The following CAPZB variants were observed in gnomAD, a reference collection of about 807,000 sequenced individuals.
CAPZB encodes F-actin-capping protein subunit beta.
Under a neutral mutation model 38.1 loss-of-function variants are expected in CAPZB, and 2 were observed. That is an observed-to-expected ratio of 0.05 (90% CI 0.02 to 0.17). The LOEUF (loss-of-function observed/expected upper bound fraction) is 0.17. CAPZB is among the 10% of genes least tolerant of loss of function. The pLI, the probability that CAPZB is intolerant of heterozygous loss-of-function variation, is 1.00. For missense variants in CAPZB, 161 were observed against 334.2 expected, an observed-to-expected ratio of 0.48 and a Z score of 4.04; for synonymous variants, 107 against 127.4, an observed-to-expected ratio of 0.84 and a Z score of 1.08.
intron 1 of CAPZB, among the ~76,000 whole-genome samples, chr1:19,438,762 C>CT (rs2094466338): frequency 6.6e-6 from 1 of 152,242 alleles, no homozygotes; most frequent in African/African-American, 2.4e-5. Context: ...TCTCAGCTCT[C>CT]TAACACAGGG....
At chr1:19,455,129 G>C (rs1233793718) in intron 1 of CAPZB, among the ~76,000 whole-genome samples, 2 of 152,238 alleles carry the variant, frequency 1.3e-5, no homozygotes, top group East Asian at 3.9e-4. Context: ...ACACCCCCAG[G>C]AGTGGCAGAC....
intron 1 of CAPZB, among the ~76,000 whole-genome samples, chr1:19,472,615 G>C (rs1031415211): frequency 1.3e-5 from 2 of 151,786 alleles, no homozygotes; most frequent in African/African-American, 2.4e-5. Flanking sequence ...ACTCAAAGGT[G>C]ATTCCAGACC....
Position 19,432,057 on chromosome 1 carries a change from A to AG in CAPZB, c.4-12308_4-12307insC, listed in dbSNP as rs61409482. 5.4e-5 allele frequency among the ~76,000 whole-genome samples: 5 copies of AG among 92,648 alleles called. No homozygotes were observed. The South Asian group carries it at 1.3e-3, about 24-fold the overall frequency. 60.8% of individuals were successfully genotyped at this position (92,648 alleles called of 152,430 possible). Reference sequence around the variant, plus strand: ...GATCCTGTCTCAAAAAAAAAAAAAAAAAAAAAAAGAAAAAAAAAGAAAATA... The same window carrying AG: ...GATCCTGTCTCAAAAAAAAAAAAAAAGAAAAAAAAGAAAAAAAAAGAAAATA... On this transcript the variant is annotated intron_variant, in intron 1 of 8. Coordinates refer to ENST00000264202, the MANE Select transcript of CAPZB (RefSeq NM_004930.5).
chr1:19,344,530 C>CCA, intron 7 of CAPZB, 96 bp from the exon 8 acceptor site: 1 of 959,206 alleles, frequency 1.0e-6, no homozygotes, highest in Non-Finnish European at 1.7e-6. Flanking sequence ...CCCAGTGTGG[C>CCA]CACTGGAGGG....
intron 4 of CAPZB, among the ~76,000 whole-genome samples, chr1:19,376,110 A>C (rs1049802434): frequency 2.0e-5 from 3 of 152,244 alleles, no homozygotes; most frequent in African/African-American, 7.2e-5. Context: ...AGGGAGTAAC[A>C]ACATGAACAC....
At chr1:19,432,811 T>A (rs1301968508) in intron 1 of CAPZB, among the ~76,000 whole-genome samples, 1 of 152,190 alleles carries the variant, frequency 6.6e-6, no homozygotes, top group East Asian at 1.9e-4. Context: ...ACACTCCCAA[T>A]GAAATAAAAT....
intron 1 of CAPZB, among the ~76,000 whole-genome samples, chr1:19,446,809 C>T (rs759347823): frequency 4.6e-5 from 7 of 152,202 alleles, no homozygotes; most frequent in East Asian, 1.9e-4. Context: ...TATATAAAAA[C>T]GTTAACAGTG....
rs1569981680 is a variant in CAPZB at position 19,366,388 on chromosome 1, T to G, written c.330-8825A>C. ...TGACAAAGACAAGGTCATACAGGCA[T>G]GAGTTCAAACAAACTCCTGGCCGGG... On this transcript the variant is annotated intron_variant, in intron 4 of 8. Transcript: ENST00000264202. Among the ~76,000 whole-genome samples, 4 of 150,802 alleles carry G rather than the reference T, an allele frequency of 2.7e-5. 1 individual carries two copies. The highest frequency in any genetic ancestry group is 2.6e-4 in the Admixed American group (4 of 15,126).
intron 1 of CAPZB, among the ~76,000 whole-genome samples, chr1:19,434,951 T>TGC (rs2094453427): frequency 7.1e-6 from 1 of 141,212 alleles, no homozygotes; most frequent in Non-Finnish European, 1.6e-5. Flanking sequence ...AGGGGCCTGA[T>TGC]AATCAAGTCA....
intron 4 of CAPZB, among the ~76,000 whole-genome samples, chr1:19,360,720 C>T (rs1263154125): frequency 2.6e-5 from 4 of 152,200 alleles, no homozygotes; most frequent in Non-Finnish European, 5.9e-5. Flanking sequence ...TGGAACTGGC[C>T]GTTTCCACTC....
At position 19,474,649 on chromosome 1, in the gene CAPZB, G is replaced by A. The variant is rs192846905; in HGVS notation, c.3+10787C>T. 4.6e-5 allele frequency among the ~76,000 whole-genome samples: 7 copies of A among 152,250 alleles called. No individual in the cohort carries two copies. In the East Asian group the frequency reaches 5.8e-4, roughly 13 times the overall value. On this transcript the variant is annotated intron_variant, in intron 1 of 8. Transcript: ENST00000264202. ...TACGGGGCAGTTTACCAATGCAAAC[G>A]GGTTAGTAGAAGCTGAGAGTGCCTA...
rs144079136 is a variant in CAPZB, at chr1:19,467,507, C to T, written c.3+17929G>A. ...AAGTCACCGCTCTTCTCACCCCAAA[C>T]GTGCTAAGGTCCAAAGGTCCAAACA... On this transcript the variant is annotated intron_variant, in intron 1 of 8. Transcript: ENST00000264202. Among the ~76,000 whole-genome samples, 10 of 152,270 alleles carry T rather than the reference C, an allele frequency of 6.6e-5. No homozygotes were observed. In the East Asian group the frequency reaches 1.9e-3, roughly 29 times the overall value.
intron 6 of CAPZB, among the ~76,000 whole-genome samples, chr1:19,348,786 A>G (rs1558173170): frequency 6.6e-6 from 1 of 151,498 alleles, no homozygotes; most frequent in Non-Finnish European, 1.5e-5. Flanking sequence ...AGGTGAGGGC[A>G]ACAGTCCAGA....
At chr1:19,468,941 A>T (rs1167987912) in intron 1 of CAPZB, among the ~76,000 whole-genome samples, 2 of 152,182 alleles carry the variant, frequency 1.3e-5, no homozygotes, top group Non-Finnish European at 2.9e-5. Context: ...GGCTGCACTC[A>T]GACACAGCCC....
At chr1:19,349,499 G>A (rs2093980300) in intron 6 of CAPZB, among the ~76,000 whole-genome samples, 2 of 152,162 alleles carry the variant, frequency 1.3e-5, no homozygotes, top group African/African-American at 2.4e-5. Flanking sequence ...GAGAGGCCGC[G>A]GCCATCGGCA....
rs1222202178 is a variant in CAPZB at position 19,356,021 on chromosome 1, G to A, written c.588+614C>T. On this transcript the variant is annotated intron_variant, in intron 6 of 8. Coordinates refer to ENST00000264202, the MANE Select transcript of CAPZB (RefSeq NM_004930.5). This position sits in a 1 kb window ranked among gnomAD's most constrained non-coding sequence, Gnocchi z 4.3. Reference sequence around the variant, plus strand: ...AACCTGGGAACAACATCGTGGAGAAGGGTTGCTAGTGATACCCAAACAAAA... The same window carrying A: ...AACCTGGGAACAACATCGTGGAGAAAGGTTGCTAGTGATACCCAAACAAAA... Among the ~76,000 whole-genome samples the A allele has an allele frequency of 2.0e-5, 3 of 152,186 alleles. No homozygotes were observed. Among genetic ancestry groups the A allele is most frequent in the African/African-American group, 7.2e-5 (3 of 41,436 alleles).
Position 19,484,312 on chromosome 1 carries a change from G to A in CAPZB, c.3+1124C>T, listed in dbSNP as rs1410573716. 3.1e-6 allele frequency: 5 copies of A among 1,598,116 alleles called. No homozygotes were observed. In the East Asian group the frequency reaches 6.8e-5, roughly 22 times the overall value. ...AGGCCATATGCTGGATCCAGGGCCTGGTGGCCCCCCAAGGCCACGGCCTCA... is the reference window on the plus strand; with the variant it reads ...AGGCCATATGCTGGATCCAGGGCCTAGTGGCCCCCCAAGGCCACGGCCTCA... On this transcript the variant is annotated intron_variant, in intron 1 of 8. Transcript: ENST00000264202.
intron 1 of CAPZB, among the ~76,000 whole-genome samples, chr1:19,474,509 C>T (rs1224546695): frequency 1.3e-5 from 2 of 152,172 alleles, no homozygotes; most frequent in Admixed American, 6.5e-5. Flanking sequence ...TTTCTTCCTG[C>T]ATTCCTTTAT....
At chr1:19,398,496 T>C (rs896485477) in intron 2 of CAPZB, among the ~76,000 whole-genome samples, 1 of 151,466 alleles carries the variant, frequency 6.6e-6, no homozygotes, top group Non-Finnish European at 1.5e-5. Context: ...CAAGTGGGAG[T>C]GTTTGTGCCA....
Sources: gnomAD v4.1 joint callset for allele counts (sites outside exome capture counted in the v4.1 genomes callset) on GRCh38, gnomAD v4.1.1 for gene constraint, Gnocchi (gnomAD v3.1) non-coding constraint, MANE v1.5 for transcripts, NCBI Gene and HGNC (gene_info 2026-07-23, HGNC 2026-07-21) for gene names.